Variants in USH2A observed in about 807,000 individuals in gnomAD.
The protein encoded by USH2A is Usher syndrome 2A (autosomal recessive, mild).
In USH2A, 443 loss-of-function variants were observed where a neutral mutation model predicts 538.9. The ratio of observed to expected loss-of-function variants is 0.82; its 90% CI spans 0.76 to 0.89. The LOEUF (loss-of-function observed/expected upper bound fraction) is 0.89. USH2A is among the 40% of genes least tolerant of loss of function. The pLI is 0.00. For synonymous variants in USH2A, 2,413 were observed against 2,273.5 expected (o/e 1.06, Z -1.75); for missense variants, 6,633 against 6,324.8 (o/e 1.05, Z -1.65).
At position 215,625,416 on chromosome 1, in the gene USH2A, C is replaced by G; in HGVS notation, c.*365G>C. The G allele has an allele frequency of 6.5e-6, 2 of 306,726 alleles. No homozygotes were observed. The highest frequency in any genetic ancestry group is 6.6e-5 in the South Asian group (2 of 30,508). 19.0% of individuals were successfully genotyped at this position (306,726 alleles called of 1,614,324 possible). A position where few individuals can be genotyped will look rare whatever the true frequency, so the allele number is the denominator to read the frequency against. ...CCTTTCAACAGAATCATTTTTGAGC[C>G]AGTAACTAACTTACTACTTCTAACA... On this transcript the variant is annotated 3_prime_UTR_variant, in exon 72 of 72. Transcript: ENST00000307340.
chr1:216,107,621 AAT>A (rs2032768383), intron 21 of USH2A, among the ~76,000 whole-genome samples: 1 of 150,156 alleles, frequency 6.7e-6, no homozygotes, highest in Non-Finnish European at 1.5e-5. Flanking sequence ...CATAATTATT[AAT>A]ATGTTTTTAA....
intron 21 of USH2A, among the ~76,000 whole-genome samples, chr1:216,152,254 G>A (rs1016734105): frequency 2.6e-5 from 4 of 152,170 alleles, no homozygotes; most frequent in African/African-American, 9.7e-5. Flanking sequence ...CCTGTGACCT[G>A]CACGTATACG....
chr1:215,637,223 A>G (rs1195591719), intron 69 of USH2A, among the ~76,000 whole-genome samples: 1 of 152,182 alleles, frequency 6.6e-6, no homozygotes, highest in Admixed American at 6.5e-5. Context: ...AGGGCTTAGA[A>G]GGCGAGCAAC....
At chr1:215,802,248 A>G (rs1243068444) in intron 49 of USH2A, among the ~76,000 whole-genome samples, 1 of 152,132 alleles carries the variant, frequency 6.6e-6, no homozygotes, top group Non-Finnish European at 1.5e-5. Flanking sequence ...CAGAAGCAAT[A>G]AGGAAAAAAG....
chr1:215,864,219 A>T (rs1664409545), intron 44 of USH2A, among the ~76,000 whole-genome samples: 1 of 152,158 alleles, frequency 6.6e-6, no homozygotes, highest in Non-Finnish European at 1.5e-5. Context: ...AGAAATAGAA[A>T]ATTTGATGCC....
intron 44 of USH2A, among the ~76,000 whole-genome samples, chr1:215,864,436 A>G (rs1664417569): frequency 6.6e-6 from 1 of 152,154 alleles, no homozygotes; most frequent in Non-Finnish European, 1.5e-5. Flanking sequence ...ATTTTGTATT[A>G]TCATATAAAG....
chr1:216,175,589 C>A, intron 20 of USH2A, 107 bp from the exon 21 acceptor site: 1 of 1,067,638 alleles, frequency 9.4e-7, no homozygotes, highest in South Asian at 1.3e-5. Flanking sequence ...CACTTCAAAT[C>A]AAATCAGTTG....
intron 21 of USH2A, among the ~76,000 whole-genome samples, chr1:216,110,243 A>G (rs935341354): frequency 1.2e-4 from 19 of 152,190 alleles, no homozygotes; most frequent in African/African-American, 7.2e-5. Context: ...CTATAGTCTC[A>G]GCTATTTGGG....
chr1:215,891,412 C>G (rs573455586), intron 40 of USH2A, among the ~76,000 whole-genome samples: 10 of 152,266 alleles, frequency 6.6e-5, no homozygotes, highest in African/African-American at 2.4e-4. Context: ...TCCTGGCACT[C>G]TTTCAATTTA....
intron 37 of USH2A, among the ~76,000 whole-genome samples, chr1:215,941,560 G>A (rs891069886): frequency 3.9e-5 from 6 of 151,984 alleles, no homozygotes; most frequent in African/African-American, 1.4e-4. Flanking sequence ...AGTGGTCTCC[G>A]GCTTCCACAC....
intron 3 of USH2A, among the ~76,000 whole-genome samples, chr1:216,372,494 C>G (rs1430017346): frequency 6.6e-6 from 1 of 152,120 alleles, no homozygotes; most frequent in Non-Finnish European, 1.5e-5. Context: ...TATTAAAGCT[C>G]TTCATATACT....
intron 37 of USH2A, among the ~76,000 whole-genome samples, chr1:215,954,727 AAAC>A (rs1051147457): frequency 2.6e-5 from 4 of 152,092 alleles, no homozygotes; most frequent in South Asian, 2.1e-4. Flanking sequence ...TAATAAAAAA[AAAC>A]AATTGAAAAT....
chr1:215,915,451 AT>A (rs1180528741), intron 38 of USH2A, among the ~76,000 whole-genome samples: 2 of 151,998 alleles, frequency 1.3e-5, no homozygotes, highest in Non-Finnish European at 1.5e-5. Context: ...TTTGAGGAGG[AT>A]TTTTTGGAGT....
At chr1:215,694,375 C>A (rs1347855775) in intron 61 of USH2A, among the ~76,000 whole-genome samples, 1 of 152,186 alleles carries the variant, frequency 6.6e-6, no homozygotes, top group Non-Finnish European at 1.5e-5. Context: ...AGATCAAGAC[C>A]ATCCCGGCTA....
intron 46 of USH2A, among the ~76,000 whole-genome samples, chr1:215,841,148 C>T (rs1663666164): frequency 6.6e-6 from 1 of 152,148 alleles, no homozygotes; most frequent in South Asian, 2.1e-4. Flanking sequence ...CAATGATATT[C>T]CCATTAAACT....
At chr1:215,707,211 G>A (rs1365591186) in intron 61 of USH2A, among the ~76,000 whole-genome samples, 1 of 152,126 alleles carries the variant, frequency 6.6e-6, no homozygotes, top group Admixed American at 6.6e-5. Context: ...TAGCAGAGAG[G>A]CAGAAATGAT....
intron 21 of USH2A, among the ~76,000 whole-genome samples, chr1:216,135,972 C>T (rs910415893): frequency 6.6e-6 from 1 of 151,828 alleles, no homozygotes; most frequent in Non-Finnish European, 1.5e-5. Flanking sequence ...ATGAAGTCTA[C>T]CATCTTAAGT....
chr1:215,880,999 G>C (rs141851403), intron 41 of USH2A, among the ~76,000 whole-genome samples: 1 of 152,136 alleles, frequency 6.6e-6, no homozygotes, highest in South Asian at 2.1e-4. Context: ...CCAGCTACCT[G>C]GGAGGCTGAG....
At chr1:216,117,355 T>C (rs2033033440) in intron 21 of USH2A, among the ~76,000 whole-genome samples, 1 of 152,188 alleles carries the variant, frequency 6.6e-6, no homozygotes, top group East Asian at 1.9e-4. Context: ...ATAACTATTT[T>C]AGTAAACCAT....
Sources: gnomAD v4.1 joint callset for allele counts (sites outside exome capture counted in the v4.1 genomes callset) on GRCh38, gnomAD v4.1.1 for gene constraint, MANE v1.5 for transcripts, NCBI Gene and HGNC (gene_info 2026-07-23, HGNC 2026-07-21) for gene names.